Variants in L3MBTL4 observed in about 807,000 individuals in gnomAD.
The protein encoded by L3MBTL4 is lethal(3)malignant brain tumor-like protein 4.
In L3MBTL4, 70 loss-of-function variants were observed where a neutral mutation model predicts 84.5. The ratio of observed to expected loss-of-function variants is 0.83; its 90% CI spans 0.68 to 1.01. The LOEUF (loss-of-function observed/expected upper bound fraction) is 1.01, where lower values mean the gene tolerates loss of function less well. Ranked by LOEUF, L3MBTL4 falls within the 50% of genes least tolerant of loss-of-function variation. The pLI, the probability that L3MBTL4 is intolerant of heterozygous loss-of-function variation, is 0.00. For missense variants in L3MBTL4, 715 were observed against 754.8 expected (o/e 0.95, Z 0.62); for synonymous variants, 274 against 259.8 (o/e 1.05, Z -0.52).
At chr18:6,085,246 G>A (rs895814329) in intron 15 of L3MBTL4, among the ~76,000 whole-genome samples, 1 of 134,134 alleles carries the variant, frequency 7.5e-6, no homozygotes, top group African/African-American at 3.5e-5. Flanking sequence ...ATGGTCATTA[G>A]GGGAATGGTT....
chr18:5,992,262 T>C (rs2053736622), intron 16 of L3MBTL4, among the ~76,000 whole-genome samples: 1 of 152,124 alleles, frequency 6.6e-6, no homozygotes, highest in African/African-American at 2.4e-5. Flanking sequence ...AGAAGCCTGT[T>C]AGGCAGACGG....
chr18:6,050,960 G>C (rs188796396), intron 16 of L3MBTL4, among the ~76,000 whole-genome samples: 23 of 152,302 alleles, frequency 1.5e-4, no homozygotes, highest in Middle Eastern at 3.4e-3. Context: ...TGGGGAAGCC[G>C]ATGTGAGAGG....
At chr18:6,148,683 A>G (rs1431529097) in intron 13 of L3MBTL4, among the ~76,000 whole-genome samples, 1 of 152,150 alleles carries the variant, frequency 6.6e-6, no homozygotes, top group Admixed American at 6.5e-5. Context: ...CTCCCACTTC[A>G]GCTTCCAAGA....
chr18:6,327,109 G>A (rs773910549), intron 1 of L3MBTL4, among the ~76,000 whole-genome samples: 2 of 152,188 alleles, frequency 1.3e-5, no homozygotes, highest in Non-Finnish European at 2.9e-5. Flanking sequence ...ACTGGTAAAG[G>A]TAAGGCTCAC....
Position 6,311,633 on chromosome 18 carries a change from C to A in L3MBTL4, c.-8G>T. 1.9e-6 allele frequency: 3 copies of A among 1,612,518 alleles called. No individual in the cohort carries two copies. Among genetic ancestry groups the A allele is most frequent in the Non-Finnish European group, 2.5e-6 (3 of 1,178,724 alleles). ...CCTGTTGGGCTGTTTCATTGCCACC[C>A]CCGCACTCCTTGGCAGTGGTTTTCT... On this transcript the variant is annotated 5_prime_UTR_variant, in exon 3 of 19. Coordinates refer to ENST00000317931, the MANE Select transcript of L3MBTL4 (RefSeq NM_001330559.2).
At chr18:6,111,575 C>T (rs769497549) in intron 14 of L3MBTL4, among the ~76,000 whole-genome samples, 11 of 151,938 alleles carry the variant, frequency 7.2e-5, no homozygotes, top group Non-Finnish European at 1.5e-4. Context: ...GCTGAAAATG[C>T]GAAAGGGAGA....
At position 5,960,059 on chromosome 18, in the gene L3MBTL4, T is replaced by C. The variant is rs202098748; in HGVS notation, c.1677+35A>G. ...ATATACACACACATATATATATATA[T>C]ACATATATATATATATAATTTTTGC... On this transcript the variant is annotated intron_variant, in intron 18 of 18. Transcript: ENST00000317931. The C allele has an allele frequency of 2.3e-3, 907 of 398,690 alleles. 11 individuals carry two copies. Among genetic ancestry groups the C allele is most frequent in the African/African-American group, 0.015 (540 of 36,514 alleles). The allele number at this position is 398,690 out of a possible 1,614,324, so 24.7% of individuals were successfully genotyped here.
intron 6 of L3MBTL4, among the ~76,000 whole-genome samples, chr18:6,243,812 A>G (rs1386615973): frequency 6.6e-6 from 1 of 152,210 alleles, no homozygotes; most frequent in East Asian, 1.9e-4. Flanking sequence ...AAGCTAAAGT[A>G]CAAAGCACAA....
chr18:5,967,518 C>A (rs1175152388), intron 17 of L3MBTL4, among the ~76,000 whole-genome samples: 1 of 152,226 alleles, frequency 6.6e-6, no homozygotes, highest in Non-Finnish European at 1.5e-5. Context: ...TAGATACATT[C>A]CATTTTTTTT....
At chr18:6,403,286 A>G (rs2123311) in intron 1 of L3MBTL4, among the ~76,000 whole-genome samples, 89,576 of 152,072 alleles carry the variant, frequency 0.59, 26,536 homozygotes, top group African/African-American at 0.67. Context: ...TGTGTATATT[A>G]AGTAAAGGCT....
Position 6,343,522 on chromosome 18 carries a change from G to A in L3MBTL4, c.-90-31466C>T, listed in dbSNP as rs141068965. 3.5e-3 allele frequency among the ~76,000 whole-genome samples: 525 copies of A among 151,990 alleles called. 5 individuals are homozygous for A. The highest frequency in any genetic ancestry group is 0.012 in the African/African-American group (513 of 41,462). Reference sequence around the variant, plus strand: ...ACTAAAAATACAAAAAAAATTAGCCGGGCATGGTGGGCACCTGTAGTCCCA... The same window carrying A: ...ACTAAAAATACAAAAAAAATTAGCCAGGCATGGTGGGCACCTGTAGTCCCA... On this transcript the variant is annotated intron_variant, in intron 1 of 18. Coordinates refer to ENST00000317931, the MANE Select transcript of L3MBTL4 (RefSeq NM_001330559.2).
intron 16 of L3MBTL4, among the ~76,000 whole-genome samples, chr18:6,016,053 G>C (rs899026721): frequency 6.6e-6 from 1 of 152,228 alleles, no homozygotes; most frequent in African/African-American, 2.4e-5. Context: ...TGGCTGGATG[G>C]TCAGGGCAGG....
Position 6,041,660 on chromosome 18 carries a change from G to A in L3MBTL4, c.1444+39221C>T, listed in dbSNP as rs566863599. On this transcript the variant is annotated intron_variant, in intron 16 of 18. Coordinates refer to ENST00000317931, the MANE Select transcript of L3MBTL4 (RefSeq NM_001330559.2). ...CCAAGCACAGAGAGGTCCAGCACTC[G>A]CAGCCACACTATATACCCTTGCTTT... Among the ~76,000 whole-genome samples, 12 of 151,844 alleles carry A rather than the reference G, an allele frequency of 7.9e-5. No homozygotes were observed. The South Asian group carries it at 1.2e-3, about 16-fold the overall frequency.
chr18:6,287,657 T>C (rs2601556), intron 4 of L3MBTL4, among the ~76,000 whole-genome samples: 1 of 151,912 alleles, frequency 6.6e-6, no homozygotes, highest in African/African-American at 2.4e-5. Context: ...GGACAAAGAG[T>C]CAAGACCAAG....
rs149677706 is a variant in L3MBTL4 at position 6,083,287 on chromosome 18, G to C, written c.1374-2336C>G. Reference sequence around the variant, plus strand: ...ATGGAGATGGGTTTCCAAAAGTCTCGAGAATTAGGGTGGAACAGAACGAGC... The same window carrying C: ...ATGGAGATGGGTTTCCAAAAGTCTCCAGAATTAGGGTGGAACAGAACGAGC... On this transcript the variant is annotated intron_variant, in intron 15 of 18. Transcript: ENST00000317931. Among the ~76,000 whole-genome samples, 6 of 152,284 alleles carry C rather than the reference G, an allele frequency of 3.9e-5. No individual in the cohort carries two copies. The East Asian group carries it at 1.2e-3, about 29-fold the overall frequency.
upstream of L3MBTL4, chr18:6,414,941 G>A (rs1299618487): frequency 6.7e-6 from 1 of 149,882 alleles, no homozygotes; most frequent in Non-Finnish European, 1.5e-5. The surrounding 1 kb of genome is among the most constrained non-coding windows in gnomAD (Gnocchi z 5.4). Context: ...TGCACGCGCG[G>A]GGTGGGGGCG....
chr18:6,396,957 T>G (rs1343617331), intron 1 of L3MBTL4: 1 of 152,210 alleles, frequency 6.6e-6, no homozygotes, highest in East Asian at 1.9e-4. Flanking sequence ...TAATGTTTCT[T>G]TATTCAGTCA....
At chr18:5,971,107 T>C (rs949036562) in intron 16 of L3MBTL4, among the ~76,000 whole-genome samples, 5 of 152,260 alleles carry the variant, frequency 3.3e-5, no homozygotes, top group Non-Finnish European at 7.3e-5. Context: ...TTCTGTGTAG[T>C]TCAGCCAACA....
chr18:6,272,553 G>A (rs1490646686), intron 4 of L3MBTL4, among the ~76,000 whole-genome samples: 1 of 68,674 alleles, frequency 1.5e-5, no homozygotes, highest in Non-Finnish European at 3.8e-5. Context: ...TGAATATAAG[G>A]AACACAGAAG....
Sources: allele counts gnomAD v4.1 joint callset (sites outside exome capture counted in the v4.1 genomes callset), GRCh38; gene constraint gnomAD v4.1.1; non-coding constraint Gnocchi (gnomAD v3.1); transcripts MANE v1.5; gene names NCBI Gene and HGNC (gene_info 2026-07-23, HGNC 2026-07-21).